CHRM3: variants seen among roughly 807,000 people sequenced by gnomAD.
CHRM3 encodes cholinergic receptor muscarinic 3, also known as muscarinic acetylcholine receptor M3.
A neutral mutation model predicts 41.8 loss-of-function variants in CHRM3; 11 were observed. The observed-to-expected ratio is 0.26, with a 90% CI of 0.17 to 0.44. CHRM3 has a LOEUF of 0.44. Ranked by LOEUF, CHRM3 falls within the 20% of genes least tolerant of loss-of-function variation. The pLI is 1.00. For synonymous variants in CHRM3, 297 were observed against 301.4 expected (o/e 0.99, Z 0.15); for missense variants, 571 against 745.4 (o/e 0.77, Z 2.72).
At chr1:239,512,570 C>G (rs1197992367) in intron 2 of CHRM3, among the ~76,000 whole-genome samples, 1 of 152,044 alleles carries the variant, frequency 6.6e-6, no homozygotes, top group Non-Finnish European at 1.5e-5. Context: ...AGTCAGTTTG[C>G]TTTTTTACTT....
intron 5 of CHRM3, among the ~76,000 whole-genome samples, chr1:239,752,732 A>G (rs1665934005): frequency 6.6e-6 from 1 of 152,246 alleles, no homozygotes; most frequent in Admixed American, 6.5e-5. Flanking sequence ...AACAGATAGA[A>G]TAGTTTAATA....
chr1:239,865,075 A>G (rs1208421335), intron 6 of CHRM3, among the ~76,000 whole-genome samples: 1 of 152,178 alleles, frequency 6.6e-6, no homozygotes, highest in African/African-American at 2.4e-5. Context: ...AATGGAACCC[A>G]CTTAAATAAC....
At chr1:239,473,869 C>CAAA (rs34470819) in intron 1 of CHRM3, among the ~76,000 whole-genome samples, 72 of 142,934 alleles carry the variant, frequency 5.0e-4, no homozygotes, top group African/African-American at 1.7e-3. Context: ...TAGTAAATTT[C>CAAA]AAAAAAAAAA....
At chr1:239,772,974 C>T (rs929720007) in intron 5 of CHRM3, among the ~76,000 whole-genome samples, 2 of 152,204 alleles carry the variant, frequency 1.3e-5, no homozygotes, top group South Asian at 4.1e-4. Flanking sequence ...TCCCCACACT[C>T]AGCACAGAGC....
intron 3 of CHRM3, among the ~76,000 whole-genome samples, chr1:239,573,835 T>C (rs1370143618): frequency 1.3e-5 from 2 of 152,162 alleles, no homozygotes; most frequent in Non-Finnish European, 2.9e-5. Flanking sequence ...GAACCAGTAG[T>C]TTTCATATCA....
chr1:239,792,432 C>G (rs568929879), intron 5 of CHRM3, among the ~76,000 whole-genome samples: 1 of 152,280 alleles, frequency 6.6e-6, no homozygotes, highest in East Asian at 1.9e-4. Flanking sequence ...TTGCCAGGCT[C>G]TGGGTGAGGT....
At chr1:239,902,014 A>G (rs945072232) in intron 6 of CHRM3, among the ~76,000 whole-genome samples, 3 of 152,144 alleles carry the variant, frequency 2.0e-5, no homozygotes, top group African/African-American at 7.2e-5. Context: ...CCTAGTGTGT[A>G]GGTCAGTATA....
At chr1:239,601,901 C>T (rs575541758) in intron 3 of CHRM3, among the ~76,000 whole-genome samples, 1 of 151,984 alleles carries the variant, frequency 6.6e-6, no homozygotes, top group Admixed American at 6.6e-5. Flanking sequence ...AGCTTCGATA[C>T]TGCCTCCGTC....
intron 3 of CHRM3, among the ~76,000 whole-genome samples, chr1:239,579,489 A>T (rs1000623915): frequency 6.6e-6 from 1 of 152,168 alleles, no homozygotes; most frequent in Non-Finnish European, 1.5e-5. Flanking sequence ...TTATCTAAGG[A>T]CTATCACTTG....
intron 2 of CHRM3, among the ~76,000 whole-genome samples, chr1:239,515,449 T>G (rs1446913777): frequency 6.6e-6 from 1 of 151,646 alleles, no homozygotes; most frequent in Non-Finnish European, 1.5e-5. Flanking sequence ...AGGACACTGT[T>G]AGGGGAATAT....
chr1:239,835,562 T>C (rs190887696), intron 6 of CHRM3, among the ~76,000 whole-genome samples: 3 of 152,346 alleles, frequency 2.0e-5, no homozygotes, highest in East Asian at 3.9e-4. Context: ...TAGAGACTGA[T>C]AAGGCTTGGT....
intron 1 of CHRM3, among the ~76,000 whole-genome samples, chr1:239,442,683 A>G (rs1663825516): frequency 6.6e-6 from 1 of 152,194 alleles, no homozygotes; most frequent in African/African-American, 2.4e-5. Flanking sequence ...AATTTTTAAA[A>G]GTTGATTAAT....
intron 5 of CHRM3, among the ~76,000 whole-genome samples, chr1:239,818,629 C>A (rs1291179952): frequency 6.6e-6 from 1 of 152,150 alleles, no homozygotes; most frequent in East Asian, 1.9e-4. Context: ...GCTATTGATG[C>A]CTGCTTCCCT....
At chr1:239,779,817 A>G (rs1668379714) in intron 5 of CHRM3, among the ~76,000 whole-genome samples, 1 of 152,258 alleles carries the variant, frequency 6.6e-6, no homozygotes, top group African/African-American at 2.4e-5. Context: ...AACCTCTGGC[A>G]GCCACTGATC....
At chr1:239,871,071 G>A (rs74149262) in intron 6 of CHRM3, among the ~76,000 whole-genome samples, 3,316 of 152,090 alleles carry the variant, frequency 0.022, 134 homozygotes, top group African/African-American at 0.075. Flanking sequence ...TTAGGGTTGT[G>A]GAATCACTCC....
At position 239,447,325 on chromosome 1, in the gene CHRM3, A is replaced by G. The variant is rs1278605283; in HGVS notation, c.-520-45384A>G. 3.3e-5 allele frequency among the ~76,000 whole-genome samples: 5 copies of G among 152,182 alleles called. No homozygotes were observed. In the East Asian group the frequency reaches 9.6e-4, roughly 29 times the overall value. ...AACTTCATAAGAAAAAAAACGGAGG[A>G]AGAGAGGATTAAGTAAAGTCACCTT... On this transcript the variant is annotated intron_variant, in intron 1 of 6. Coordinates refer to ENST00000676153, the MANE Select transcript of CHRM3 (RefSeq NM_001375978.1).
At chr1:239,666,075 A>C (rs1005582408) in intron 4 of CHRM3, among the ~76,000 whole-genome samples, 1 of 152,112 alleles carries the variant, frequency 6.6e-6, no homozygotes, top group Non-Finnish European at 1.5e-5. Context: ...CTGGTTCTAG[A>C]TCCTTGAGGA....
intron 1 of CHRM3, among the ~76,000 whole-genome samples, chr1:239,404,091 A>G (rs1230315674): frequency 6.7e-6 from 1 of 149,874 alleles, no homozygotes; most frequent in East Asian, 2.0e-4. Flanking sequence ...GATCGAGACC[A>G]TCCTGGCTAA....
At chr1:239,765,725 A>G (rs1163632649) in intron 5 of CHRM3, among the ~76,000 whole-genome samples, 8 of 152,170 alleles carry the variant, frequency 5.3e-5, no homozygotes, top group Non-Finnish European at 1.2e-4. Flanking sequence ...CAGTCAGTAT[A>G]TTCAGCAAGC....
Sources: gnomAD v4.1 joint callset for allele counts (sites outside exome capture counted in the v4.1 genomes callset) on GRCh38, gnomAD v4.1.1 for gene constraint, MANE v1.5 for transcripts, NCBI Gene and HGNC (gene_info 2026-07-23, HGNC 2026-07-21) for gene names.